EDEM2: variants seen among roughly 807,000 people sequenced by gnomAD.
EDEM2 encodes ER degradation enhancing alpha-mannosidase like protein 2.
In EDEM2, 39 loss-of-function variants were observed where a neutral mutation model predicts 64.8. The ratio of observed to expected loss-of-function variants is 0.60; its 90% CI spans 0.47 to 0.79. The LOEUF is 0.79. Ranked by LOEUF, EDEM2 falls within the 30% of genes least tolerant of loss-of-function variation. EDEM2 has a pLI of 0.00. For missense variants in EDEM2, 609 were observed against 731.3 expected, an observed-to-expected ratio of 0.83 and a Z score of 1.93; for synonymous variants, 296 against 291.5, an observed-to-expected ratio of 1.02 and a Z score of -0.16.
chr20:35,139,651 G>GAAAA (rs924462871), intron 4 of EDEM2, among the ~76,000 whole-genome samples: 1 of 75,086 alleles, frequency 1.3e-5, no homozygotes, highest in African/African-American at 5.2e-5. Flanking sequence ...CTCCATCTCA[G>GAAAA]AAAAAAAAAA....
At chr20:35,137,176 G>C (rs1361846550) in intron 5 of EDEM2, among the ~76,000 whole-genome samples, 1 of 152,106 alleles carries the variant, frequency 6.6e-6, no homozygotes, top group Non-Finnish European at 1.5e-5. Context: ...CCAGCACTTT[G>C]GGAGGCCGAG....
rs374325186 is a variant in EDEM2, at chr20:35,118,789, G to A, written c.1115-70C>T. On this transcript the variant is annotated intron_variant, in intron 9 of 10. Transcript: ENST00000374492. ...AGATGGCCTGGGGCCTCTTAGGGCCGTGAGGGACTACTCCCCTCCATATCT... is the reference window on the plus strand; with the variant it reads ...AGATGGCCTGGGGCCTCTTAGGGCCATGAGGGACTACTCCCCTCCATATCT... 42 of 1,588,342 alleles carry A rather than the reference G, an allele frequency of 2.6e-5. 1 individual carries two copies. The South Asian group carries it at 3.8e-4, about 14-fold the overall frequency.
chr20:35,145,739 G>C (rs528857516), intron 2 of EDEM2, among the ~76,000 whole-genome samples: 4 of 152,256 alleles, frequency 2.6e-5, no homozygotes, highest in South Asian at 4.1e-4. Flanking sequence ...TGGGCACAGT[G>C]GCTCATGCCT....
chr20:35,131,583 C>T (rs2085505984), intron 7 of EDEM2, 59 bp downstream of exon 7: 1 of 1,586,354 alleles, frequency 6.3e-7, no homozygotes, highest in Non-Finnish European at 8.6e-7. Flanking sequence ...AGTTTTTAAA[C>T]AAATCACACA....
In EDEM2 at chr20:35,118,535, A is replaced by G. The variant is rs2085333980; in HGVS notation, c.1236+63T>C. 3 of 1,609,298 alleles carry G rather than the reference A, an allele frequency of 1.9e-6. No individual in the cohort carries two copies. In the Admixed American group the frequency reaches 5.0e-5, roughly 27 times the overall value. On this transcript the variant is annotated intron_variant, in intron 10 of 10. Transcript: ENST00000374492. ...TCAGAACTCCCAAAGCTCTACCCTTAAAGAGGCTTTTTAGCAGCAAGGGGA... is the reference window on the plus strand; with the variant it reads ...TCAGAACTCCCAAAGCTCTACCCTTGAAGAGGCTTTTTAGCAGCAAGGGGA...
Position 35,134,936 on chromosome 20 carries a change from G to A in EDEM2, c.504C>T (p.Pro168=). 1 of 1,614,028 alleles carries A rather than the reference G, an allele frequency of 6.2e-7. No homozygotes were observed. ...TCACTGTTCCATATGGCATGCCAGT[G>A]GGGGTCTGAAAGGCTGAACAATCGA... ...ARKLLPAFQT[P]TGMPYGTVNL... The change falls in exon 6 of 11, where the codon CCC becomes CCT. Residue 168 remains proline (P), a synonymous_variant. Transcript: ENST00000374492.
intron 4 of EDEM2, 58 bp downstream of exon 4, chr20:35,142,315 T>C (rs2085665960): frequency 7.1e-7 from 1 of 1,416,560 alleles, no homozygotes; most frequent in African/African-American, 1.4e-5. Context: ...ACTTCTTGGT[T>C]TACAGAGGCA....
rs1569184807 is a variant in EDEM2 at position 35,147,204 on chromosome 20, GC to G, written c.54del (p.Gln18HisfsTer59). 1 of 1,602,688 alleles carries G rather than the reference GC, an allele frequency of 6.2e-7. No homozygotes were observed. Among genetic ancestry groups the G allele is most frequent in the East Asian group, 2.2e-5 (1 of 44,558 alleles). On this transcript the variant is annotated frameshift_variant, in exon 1 of 11. Coordinates refer to ENST00000374492, the MANE Select transcript of EDEM2 (RefSeq NM_018217.3). LOFTEE classifies it high-confidence loss of function. ...PLGLLCALLP[Q>X]HHGAPGPDGS... is the part of the protein sequence containing the mutation. ...CCGTCGGGACCTGGCGCACCATGGT[GC>G]TGAGGCAGCAGCGCGCACAGGAGGC...
intron 3 of EDEM2, 137 bp downstream of exon 3, chr20:35,144,842 G>T: frequency 1.1e-6 from 1 of 935,876 alleles, no homozygotes; most frequent in Non-Finnish European, 1.6e-6. Flanking sequence ...AACCACAGCC[G>T]GACGCTTCAG....
At position 35,118,660 on chromosome 20, in the gene EDEM2, G is replaced by T; in HGVS notation, c.1174C>A (p.Leu392Ile). 1 of 1,613,802 alleles carries T rather than the reference G, an allele frequency of 6.2e-7. No homozygotes were observed. Among genetic ancestry groups the T allele is most frequent in the Non-Finnish European group, 8.5e-7 (1 of 1,180,014 alleles). The change falls in exon 10 of 11, where the codon CTC becomes ATC. Residue 392 changes from leucine (L) to isoleucine (I), a missense_variant. Transcript: ENST00000374492. ...RATGDPTLLE[L>I]GRDAVESIEK... ...ATGGATTCCACAGCATCTCTTCCGAGTTCTAGGAGGGTGGGATCCCCCGTG... is the reference window on the plus strand; with the variant it reads ...ATGGATTCCACAGCATCTCTTCCGATTTCTAGGAGGGTGGGATCCCCCGTG...
intron 2 of EDEM2, 92 bp downstream of exon 2, chr20:35,146,733 G>A (rs2085737954): frequency 7.3e-7 from 1 of 1,368,312 alleles, no homozygotes. Context: ...GTGCCGGTGA[G>A]GAGACCATGA....
chr20:35,134,598 T>C (rs994521046), intron 6 of EDEM2, 140 bp downstream of exon 6: 1 of 890,064 alleles, frequency 1.1e-6, no homozygotes, highest in African/African-American at 1.7e-5. Flanking sequence ...AGGCTTGGTC[T>C]ATTTTTGGTG....
In EDEM2 at chr20:35,142,432, T is replaced by G; in HGVS notation, c.305A>C (p.Gln102Pro). The G allele has an allele frequency of 6.2e-7, 1 of 1,614,116 alleles. No homozygotes were observed. Among genetic ancestry groups the G allele is most frequent in the Non-Finnish European group, 8.5e-7 (1 of 1,180,026 alleles). Residue 102 changes from glutamine to proline, a missense_variant, in exon 4 of 11, where the codon CAG (glutamine) becomes CCG (proline). Physicochemically the swap from Gln to Pro is moderately conservative, Grantham distance 76. Coordinates refer to ENST00000374492, the MANE Select transcript of EDEM2 (RefSeq NM_018217.3). Reference protein sequence around the residue: ...SEFQRVVEVLQDSVDFDIDVN... With the variant: ...SEFQRVVEVLPDSVDFDIDVN... ...ATCAATATCAAAGTCCACGCTGTCC[T>G]GGAGCACTTCAACCACTCTTTGGAA...
At chr20:35,147,091 G>C (rs1016243249) in intron 1 of EDEM2, 61 bp downstream of exon 1, 25 of 1,565,364 alleles carry the variant, frequency 1.6e-5, no homozygotes, top group Non-Finnish European at 2.0e-5. Flanking sequence ...TGGACGGAAA[G>C]GGAAAGGACC....
Position 35,137,915 on chromosome 20 carries a change from C to T in EDEM2, c.455G>A (p.Arg152Lys). 1 of 1,614,198 alleles carries T rather than the reference C, an allele frequency of 6.2e-7. No individual in the cohort carries two copies. Among genetic ancestry groups the T allele is most frequent in the Non-Finnish European group, 8.5e-7 (1 of 1,180,034 alleles). ...TTTTCGGGCCGCCTCCTCAGCCATTCTCAGGAGAGGCCCGGAACAGGGCCA... is the reference window on the plus strand; with the variant it reads ...TTTTCGGGCCGCCTCCTCAGCCATTTTCAGGAGAGGCCCGGAACAGGGCCA... The part of the protein sequence containing the change: ...AGWPCSGPLL[R>K]MAEEAARKLL... The change falls in exon 5 of 11, where the codon AGA becomes AAA. Residue 152 changes from arginine to lysine, a missense_variant. By Grantham distance (26) the Arg-to-Lys change is conservative. Coordinates refer to ENST00000374492, the MANE Select transcript of EDEM2 (RefSeq NM_018217.3).
intron 4 of EDEM2, among the ~76,000 whole-genome samples, chr20:35,138,410 T>C (rs2085606743): frequency 6.6e-6 from 1 of 152,052 alleles, no homozygotes. Context: ...AGGTCACCCA[T>C]CTAGTAGGTG....
chr20:35,117,568 G>A (rs1255557688), intron 10 of EDEM2, among the ~76,000 whole-genome samples: 1 of 151,624 alleles, frequency 6.6e-6, no homozygotes, highest in Non-Finnish European at 1.5e-5. Context: ...CATATCAGGG[G>A]TTTATTTTTT....
In EDEM2 at chr20:35,115,727, G is replaced by A. The variant is rs2085300146; in HGVS notation, c.1443C>T (p.Asp481=). 1.9e-6 allele frequency: 3 copies of A among 1,614,230 alleles called. No homozygotes were observed. In the East Asian group the frequency reaches 6.7e-5, roughly 36 times the overall value. ...YIFNTEAHPI[D]PAALHCCQRL... ...TCTGGCAGCAGTGCAGGGCGGCAGGGTCGATGGGGTGAGCTTCTGTGTTGA... is the reference window on the plus strand; with the variant it reads ...TCTGGCAGCAGTGCAGGGCGGCAGGATCGATGGGGTGAGCTTCTGTGTTGA... Residue 481 remains aspartate, a synonymous_variant, in exon 11 of 11, where the codon GAC becomes GAT. Transcript: ENST00000374492.
intron 4 of EDEM2, among the ~76,000 whole-genome samples, chr20:35,140,366 C>T (rs1162606208): frequency 6.6e-6 from 1 of 152,074 alleles, no homozygotes. Flanking sequence ...CAACTGTAAT[C>T]CCAGCTACTC....
Sources: gnomAD v4.1 joint callset for allele counts (sites outside exome capture counted in the v4.1 genomes callset) on GRCh38, gnomAD v4.1.1 for gene constraint, MANE v1.5 for transcripts, NCBI Gene and HGNC (gene_info 2026-07-23, HGNC 2026-07-21) for gene names.